Variants in FAM117A observed in about 807,000 individuals in gnomAD.
The protein encoded by FAM117A is protein FAM117A.
Under a neutral mutation model 44.1 loss-of-function variants are expected in FAM117A, and 21 were observed. That is an observed-to-expected ratio of 0.48 (90% CI 0.34 to 0.69). FAM117A has a LOEUF of 0.69. Among genes scored for constraint, FAM117A ranks in the 30% least tolerant of loss-of-function variants. FAM117A has a pLI of 0.01. For missense variants in FAM117A, 498 were observed against 589.9 expected (o/e 0.84, Z 1.61); for synonymous variants, 220 against 238.3 (o/e 0.92, Z 0.71).
At chr17:49,716,995 T>C (rs2073507309) in intron 6 of FAM117A, among the ~76,000 whole-genome samples, 1 of 152,120 alleles carries the variant, frequency 6.6e-6, no homozygotes, top group African/African-American at 2.4e-5. Context: ...TAAGGATTAT[T>C]ATTAGGAGGT....
chr17:49,725,676 C>A (rs1279685536), intron 2 of FAM117A, among the ~76,000 whole-genome samples: 1 of 152,144 alleles, frequency 6.6e-6, no homozygotes, highest in Non-Finnish European at 1.5e-5. Context: ...GATAAAGAGG[C>A]CAGTGTGGCT....
At chr17:49,733,970 G>A (rs1314050961) in intron 1 of FAM117A, among the ~76,000 whole-genome samples, 2 of 150,946 alleles carry the variant, frequency 1.3e-5, no homozygotes, top group African/African-American at 4.9e-5. Flanking sequence ...GTGAAGCCGC[G>A]TCTCTACTAA....
chr17:49,763,818 T>TG, intron 1 of FAM117A, 74 bp downstream of exon 1: 1 of 190,372 alleles, frequency 5.3e-6, no homozygotes, highest in Non-Finnish European at 7.5e-6. Flanking sequence ...CTTCTCCCCG[T>TG]CCCCCTCCCG....
intron 7 of FAM117A, 130 bp downstream of exon 7, chr17:49,716,035 G>A: frequency 3.0e-6 from 3 of 988,182 alleles, no homozygotes; most frequent in South Asian, 1.6e-5. Context: ...GTTTGATCAT[G>A]GAAAGCTGGC....
At chr17:49,786,731 C>T (rs571211010) in intron 1 of FAM117A, among the ~76,000 whole-genome samples, 110 of 148,464 alleles carry the variant, frequency 7.4e-4, no homozygotes, top group African/African-American at 2.4e-3. Context: ...GAGCCGAGCT[C>T]GTGCCATTGC....
intron 3 of FAM117A, among the ~76,000 whole-genome samples, chr17:49,722,031 G>A (rs1250538355): frequency 2.0e-5 from 3 of 152,108 alleles, no homozygotes; most frequent in East Asian, 1.9e-4. Context: ...CCCAGGAGGC[G>A]GAAGTTGCAG....
intron 1 of FAM117A, among the ~76,000 whole-genome samples, chr17:49,778,824 G>T (rs915049355): frequency 6.6e-6 from 1 of 152,174 alleles, no homozygotes; most frequent in Admixed American, 6.5e-5. Context: ...AGAAAGTAAA[G>T]AATCCAAATA....
chr17:49,748,173 A>G (rs746536382), intron 1 of FAM117A, among the ~76,000 whole-genome samples: 1 of 152,186 alleles, frequency 6.6e-6, no homozygotes, highest in African/African-American at 2.4e-5. Flanking sequence ...CTTAACAGTA[A>G]TGTCACCTTC....
chr17:49,717,729 C>A lies in FAM117A; in HGVS notation c.709-15G>T. ...ATATCAAGGATCTAACGGGGAAGGA[C>A]GGTAAAGACTGTCAGCCCTGAGTAT... On this transcript the variant is annotated splice_polypyrimidine_tract_variant and intron_variant, in intron 5 of 7. Transcript: ENST00000240364. The A allele has an allele frequency of 6.3e-7, 1 of 1,579,834 alleles. No individual in the cohort carries two copies. The highest frequency in any genetic ancestry group is 1.2e-5 in the South Asian group (1 of 86,666).
At chr17:49,756,635 G>C (rs1275988611) in intron 1 of FAM117A, among the ~76,000 whole-genome samples, 1 of 151,522 alleles carries the variant, frequency 6.6e-6, no homozygotes, top group Non-Finnish European at 1.5e-5. Context: ...AGAGACAAAG[G>C]CCAGGCGTGG....
Position 49,720,394 on chromosome 17 carries a change from G to T in FAM117A, c.505C>A (p.Arg169Ser). The change falls in exon 4 of 8, where the codon CGC becomes AGC. Residue 169 changes from arginine to serine, a missense_variant. Physicochemically the swap from Arg to Ser is moderately radical, Grantham distance 110. This residue lies in a region of FAM117A where 270 missense variants were observed against 277.4 expected (regional missense o/e 0.97). Coordinates refer to ENST00000240364, the MANE Select transcript of FAM117A (RefSeq NM_030802.4). ...CCTCGCTCCTTCTCTTTCCCACTGCGGCTCAGCTTCGTCCTCTGCAGTTGT... is the reference window on the plus strand; with the variant it reads ...CCTCGCTCCTTCTCTTTCCCACTGCTGCTCAGCTTCGTCCTCTGCAGTTGT... The part of the protein sequence containing the change: ...KQQLQRTKLS[R>S]SGKEKERGSP... The T allele has an allele frequency of 6.2e-7, 1 of 1,613,772 alleles. No homozygotes were observed. Among genetic ancestry groups the T allele is most frequent in the Non-Finnish European group, 8.5e-7 (1 of 1,180,022 alleles).
intron 2 of FAM117A, among the ~76,000 whole-genome samples, chr17:49,723,854 G>T (rs1361866233): frequency 6.6e-6 from 1 of 152,096 alleles, no homozygotes; most frequent in Non-Finnish European, 1.5e-5. Flanking sequence ...ACTGGGCCAC[G>T]CAACATAGCC....
intron 2 of FAM117A, chr17:49,724,661 C>T (rs887946765): frequency 8.8e-5 from 31 of 352,174 alleles, no homozygotes; most frequent in Middle Eastern, 1.0e-3. Context: ...GGTGAAACCC[C>T]GTCTCTACTA....
At chr17:49,778,724 T>C (rs1335130843) in intron 1 of FAM117A, among the ~76,000 whole-genome samples, 1 of 152,250 alleles carries the variant, frequency 6.6e-6, no homozygotes, top group Admixed American at 6.5e-5. Flanking sequence ...CTAAGTGCCA[T>C]GCACTCTGCC....
intron 1 of FAM117A, among the ~76,000 whole-genome samples, chr17:49,750,012 G>T (rs188960319): frequency 6.7e-6 from 1 of 148,836 alleles, no homozygotes; most frequent in Admixed American, 6.7e-5. Context: ...GGATGTAGAA[G>T]AAAATTTCCA....
intron 1 of FAM117A, among the ~76,000 whole-genome samples, chr17:49,734,335 G>A (rs1249694388): frequency 6.6e-6 from 1 of 151,978 alleles, no homozygotes; most frequent in Non-Finnish European, 1.5e-5. Flanking sequence ...GCTCACACCT[G>A]TAATCCCAGC....
At chr17:49,724,822 G>GAAAAAAAAAAAAAAAAAAAAAAA (rs906558600) in intron 2 of FAM117A, among the ~76,000 whole-genome samples, 1 of 43,582 alleles carries the variant, frequency 2.3e-5, no homozygotes, top group Non-Finnish European at 5.5e-5. Flanking sequence ...ACAGTCTCAA[G>GAAAAAAAAAAAAAAAAAAAAAAA]AAAAAAAAAA....
At chr17:49,744,934 A>G (rs1452464838) in intron 1 of FAM117A, among the ~76,000 whole-genome samples, 2 of 147,782 alleles carry the variant, frequency 1.4e-5, no homozygotes, top group Non-Finnish European at 3.0e-5. Context: ...AGATTGCTTG[A>G]GCCAAGGAAG....
chr17:49,742,320 C>G (rs921518720), intron 1 of FAM117A, among the ~76,000 whole-genome samples: 2 of 152,146 alleles, frequency 1.3e-5, no homozygotes, highest in African/African-American at 4.8e-5. Context: ...CAAGAGAAAC[C>G]CTTCTGGAGA....
Sources: gnomAD v4.1 joint callset for allele counts (sites outside exome capture counted in the v4.1 genomes callset) on GRCh38, gnomAD v4.1.1 for gene constraint, gnomAD v4.1.1 regional missense constraint, MANE v1.5 for transcripts, NCBI Gene and HGNC (gene_info 2026-07-23, HGNC 2026-07-21) for gene names.